The following DLEU7 variants were observed in gnomAD, a reference collection of about 807,000 sequenced individuals.
The protein encoded by DLEU7 is deleted in lymphocytic leukemia 7.
In DLEU7, 17 loss-of-function variants were observed where a neutral mutation model predicts 16.0. The ratio of observed to expected loss-of-function variants is 1.06; its 90% CI spans 0.73 to 1.59. The LOEUF (loss-of-function observed/expected upper bound fraction) is 1.59. Among genes scored for constraint, DLEU7 ranks in the 40% most tolerant of loss-of-function variants. The probability of loss-of-function intolerance (pLI) is 0.00; values close to 1 mark genes in which losing one functional copy is unlikely to be tolerated. For missense variants in DLEU7, 308 were observed against 314.9 expected (o/e 0.98, Z 0.17); for synonymous variants, 113 against 139.8 (o/e 0.81, Z 1.35).
chr13:50,799,248 A>G (rs1876184305), intron 1 of DLEU7, among the ~76,000 whole-genome samples: 1 of 152,216 alleles, frequency 6.6e-6, no homozygotes, highest in Non-Finnish European at 1.5e-5. Context: ...CACAGAGATA[A>G]TCACAATCTG....
At chr13:50,823,613 C>A (rs914112601) in intron 1 of DLEU7, 93 bp from the exon 2 acceptor site, 13 of 1,402,324 alleles carry the variant, frequency 9.3e-6, no homozygotes, top group Non-Finnish European at 4.8e-6. Context: ...CTTTTCTCTT[C>A]TGGTGACAGC....
At chr13:50,715,196 C>T (rs1277439993) in intron 1 of DLEU7, among the ~76,000 whole-genome samples, 1 of 152,184 alleles carries the variant, frequency 6.6e-6, no homozygotes, top group Non-Finnish European at 1.5e-5. Flanking sequence ...CACGAGGCCT[C>T]ATCTCTCTGA....
chr13:50,821,676 A>G (rs1200793341), downstream of DLEU7, among the ~76,000 whole-genome samples: 1 of 152,142 alleles, frequency 6.6e-6, no homozygotes. Flanking sequence ...CAAAGTGAGG[A>G]AAAAGCACAA....
chr13:50,799,956 A>G (rs1944228561), intron 1 of DLEU7, among the ~76,000 whole-genome samples: 2 of 152,320 alleles, frequency 1.3e-5, no homozygotes, highest in Non-Finnish European at 1.5e-5. Context: ...AGACACTATC[A>G]AACTGTACAC....
At chr13:50,760,988 T>C (rs1193148087) in intron 1 of DLEU7, among the ~76,000 whole-genome samples, 2 of 152,170 alleles carry the variant, frequency 1.3e-5, no homozygotes, top group African/African-American at 4.8e-5. Flanking sequence ...CCTCCATCTC[T>C]CCTTTTCTTG....
intron 1 of DLEU7, among the ~76,000 whole-genome samples, chr13:50,786,735 AACTCTT>A (rs1875802684): frequency 6.6e-6 from 1 of 152,254 alleles, no homozygotes; most frequent in Non-Finnish European, 1.5e-5. Context: ...TTTATTTTTT[AACTCTT>A]TGTGTGAGTT....
intron 1 of DLEU7, among the ~76,000 whole-genome samples, chr13:50,834,372 A>G (rs969773198): frequency 1.3e-5 from 2 of 152,048 alleles, no homozygotes; most frequent in Non-Finnish European, 2.9e-5. Flanking sequence ...AAAAAGTGGG[A>G]AAAGGATATG....
chr13:50,824,261 A>C (rs1269032354), intron 1 of DLEU7, among the ~76,000 whole-genome samples: 1 of 152,190 alleles, frequency 6.6e-6, no homozygotes, highest in African/African-American at 2.4e-5. Context: ...TTAATCCCTA[A>C]ATGGTTTATT....
In DLEU7 at chr13:50,797,838, C is replaced by G. The variant is rs116171048; in HGVS notation, c.459+45350G>C. On this transcript the variant is annotated intron_variant, in intron 1 of 1. Coordinates refer to the DLEU7 transcript ENST00000400393. The stretch of plus-strand genomic sequence containing the variant: ...GAGCTCAGATTCTGTGCTCCCAAAT[C>G]TGCCAGAATTTAATGGGGGCCACAG... Among the ~76,000 whole-genome samples the G allele has an allele frequency of 4.7e-3, 722 of 152,220 alleles. 2 individuals carry two copies. The highest frequency in any genetic ancestry group is 0.016 in the African/African-American group (677 of 41,548).
intron 1 of DLEU7, among the ~76,000 whole-genome samples, chr13:50,744,001 A>ACCC (rs550526442): frequency 1.1e-3 from 163 of 152,232 alleles, no homozygotes; most frequent in Middle Eastern, 6.8e-3. Context: ...TGCCAGCTGT[A>ACCC]CCCTATCAGG....
intron 1 of DLEU7, among the ~76,000 whole-genome samples, chr13:50,743,040 T>C (rs1481163465): frequency 2.0e-5 from 3 of 152,158 alleles, no homozygotes; most frequent in Non-Finnish European, 4.4e-5. Context: ...AAGGGTTATG[T>C]ATTGAGTGAT....
In DLEU7 at chr13:50,789,847, G is replaced by A. The variant is rs1009640979; in HGVS notation, c.459+53341C>T. ...GCATAGAATTTTTCTTAATGTTAAG[G>A]TCTGATCAGGTAAACTGAAACTAAA... is the stretch of plus-strand genomic sequence containing the variant. On this transcript the variant is annotated intron_variant, in intron 1 of 1. Transcript: ENST00000400393. Among the ~76,000 whole-genome samples, 3 of 152,074 alleles carry A rather than the reference G, an allele frequency of 2.0e-5. No homozygotes were observed. In the South Asian group the frequency reaches 6.2e-4, roughly 31 times the overall value.
intron 1 of DLEU7, among the ~76,000 whole-genome samples, chr13:50,725,538 GA>G (rs766073331): frequency 1.2e-3 from 184 of 152,270 alleles, no homozygotes; most frequent in Non-Finnish European, 2.1e-3. Context: ...AGCTATCTAT[GA>G]GATTACAAAG....
intron 1 of DLEU7, among the ~76,000 whole-genome samples, chr13:50,717,480 A>G (rs1330157751): frequency 6.6e-6 from 1 of 152,148 alleles, no homozygotes; most frequent in East Asian, 1.9e-4. Context: ...TGTTTCCAAA[A>G]TGGTAAGTAC....
intron 1 of DLEU7, among the ~76,000 whole-genome samples, chr13:50,842,224 A>C (rs749986061): frequency 1.3e-5 from 2 of 152,204 alleles, no homozygotes; most frequent in Non-Finnish European, 2.9e-5. Context: ...AGTGCAACTT[A>C]ATGTATAGCA....
At chr13:50,721,338 C>T (rs1593527252) in intron 1 of DLEU7, among the ~76,000 whole-genome samples, 1 of 152,146 alleles carries the variant, frequency 6.6e-6, no homozygotes, top group East Asian at 1.9e-4. Context: ...TTCCTTCCTC[C>T]TCAGCTTGCA....
At chr13:50,753,391 G>A (rs1018734578) in intron 1 of DLEU7, among the ~76,000 whole-genome samples, 1 of 152,232 alleles carries the variant, frequency 6.6e-6, no homozygotes, top group African/African-American at 2.4e-5. Flanking sequence ...GGGCTGCACA[G>A]GAGCACACGG....
intron 1 of DLEU7, among the ~76,000 whole-genome samples, chr13:50,764,851 G>T (rs1415381659): frequency 6.6e-6 from 1 of 150,978 alleles, no homozygotes. Context: ...ATATTAAATG[G>T]GTCATGTTGC....
chr13:50,797,987 T>C (rs1362359532), intron 1 of DLEU7, among the ~76,000 whole-genome samples: 1 of 152,172 alleles, frequency 6.6e-6, no homozygotes, highest in Admixed American at 6.6e-5. Flanking sequence ...AACTAAGAAG[T>C]TCACAGTCTA....
Sources: gnomAD v4.1 joint callset for allele counts (sites outside exome capture counted in the v4.1 genomes callset) on GRCh38, gnomAD v4.1.1 for gene constraint, MANE v1.5 for transcripts, NCBI Gene and HGNC (gene_info 2026-07-23, HGNC 2026-07-21) for gene names.